PTPRH: variants seen among roughly 807,000 people sequenced by gnomAD.
PTPRH encodes the protein protein tyrosine phosphatase receptor type H, also known as receptor-type tyrosine-protein phosphatase H.
PTPRH carries 113 observed loss-of-function variants against 130.2 expected under a neutral mutation model. The ratio of observed to expected loss-of-function variants is 0.87; its 90% confidence interval spans 0.75 to 1.01. The LOEUF is 1.01. PTPRH is among the 50% of genes least tolerant of loss of function. PTPRH has a pLI of 0.00. For missense variants in PTPRH, 1,430 were observed against 1,425.0 expected (o/e 1.00, Z -0.06); for synonymous variants, 556 against 577.9 (o/e 0.96, Z 0.54).
At chr19:55,197,087 A>G in intron 9 of PTPRH, 30 bp downstream of exon 9, 2 of 1,609,222 alleles carry the variant, frequency 1.2e-6, no homozygotes, top group Non-Finnish European at 1.7e-6. Flanking sequence ...AGCCCAGTTC[A>G]CCACTTGAAG....
Position 55,206,472 on chromosome 19 carries a change from C to G in PTPRH, c.352+217G>C, listed in dbSNP as rs566724527. Among the ~76,000 whole-genome samples the G allele has an allele frequency of 5.7e-3, 841 of 148,604 alleles. 15 individuals carry two copies. Among genetic ancestry groups the G allele is most frequent in the African/African-American group, 0.02 (795 of 39,464 alleles). ...CCGAGTAGATGGGACCACGGGAACACGCCACCACAGCTACTTTTTAATTTT... is the reference window on the plus strand; with the variant it reads ...CCGAGTAGATGGGACCACGGGAACAGGCCACCACAGCTACTTTTTAATTTT... On this transcript the variant is annotated intron_variant, in intron 3 of 19. Coordinates refer to ENST00000376350, the MANE Select transcript of PTPRH (RefSeq NM_002842.5).
intron 6 of PTPRH, 111 bp downstream of exon 6, chr19:55,201,945 A>G (rs745746872): frequency 4.0e-6 from 6 of 1,501,796 alleles, no homozygotes; most frequent in Non-Finnish European, 5.4e-6. Context: ...GGACATGAGT[A>G]CCTGGCTCAA....
intron 13 of PTPRH, 41 bp from the exon 14 acceptor site, chr19:55,187,644 C>G (rs201404159): frequency 2.0e-6 from 3 of 1,483,314 alleles, no homozygotes; most frequent in Admixed American, 1.7e-5. Flanking sequence ...GTTGGATTTT[C>G]TCTACTTTCC....
Position 55,181,656 on chromosome 19 carries a change from G to T in PTPRH, c.*98C>A. 6.6e-7 allele frequency: 1 copy of T among 1,510,406 alleles called. No homozygotes were observed. Among genetic ancestry groups the T allele is most frequent in the Non-Finnish European group, 9.1e-7 (1 of 1,104,654 alleles). The allele number at this position is 1,510,406 out of a possible 1,614,324, so 93.6% of individuals were successfully genotyped here. On this transcript the variant is annotated 3_prime_UTR_variant, in exon 20 of 20. Transcript: ENST00000376350. ...CCCCCTCCTCCCACAGCACCCAGGA[G>T]TCTGGGAGCCCAGCCCTCTGCTCTT...
intron 5 of PTPRH, among the ~76,000 whole-genome samples, chr19:55,203,143 A>G (rs2086921573): frequency 6.6e-6 from 1 of 151,316 alleles, no homozygotes; most frequent in Non-Finnish European, 1.5e-5. Flanking sequence ...CCTGGCTAAC[A>G]CGGTGAAACC....
At position 55,204,033 on chromosome 19, in the gene PTPRH, C is replaced by T. The variant is rs1229276141; in HGVS notation, c.635G>A (p.Arg212Lys). 1 of 1,613,692 alleles carries T rather than the reference C, an allele frequency of 6.2e-7. No individual in the cohort carries two copies. Among genetic ancestry groups the T allele is most frequent in the Non-Finnish European group, 8.5e-7 (1 of 1,179,686 alleles). ...RNATTAHNPVRNLRVEAQTTS... is the reference protein window; with the variant it reads ...RNATTAHNPVKNLRVEAQTTS... Reference sequence around the variant, plus strand: ...GGTCTGAGCCTCCACTCTCAGGTTCCTCACTGGGTTGTGAGCTGAGAAATT... The same window carrying T: ...GGTCTGAGCCTCCACTCTCAGGTTCTTCACTGGGTTGTGAGCTGAGAAATT... Residue 212 changes from arginine to lysine, a missense_variant, in exon 5 of 20, where the codon AGG becomes AAG. By Grantham distance (26) the Arg-to-Lys change is conservative (BLOSUM62 2). Coordinates refer to ENST00000376350, the MANE Select transcript of PTPRH (RefSeq NM_002842.5).
rs962464156 is a variant in PTPRH, at chr19:55,201,215, TA to T, written c.1154-714del. Among the ~76,000 whole-genome samples, 6 of 151,652 alleles carry T rather than the reference TA, an allele frequency of 4.0e-5. 1 individual carries two copies. In the South Asian group the frequency reaches 1.0e-3, roughly 26 times the overall value. ...GGACCACACAGCAAGACCTCATCTC[TA>T]AAAAAAATAAATTAGTCAGGCATGG... On this transcript the variant is annotated intron_variant, in intron 6 of 19. Coordinates refer to ENST00000376350, the MANE Select transcript of PTPRH (RefSeq NM_002842.5).
intron 6 of PTPRH, among the ~76,000 whole-genome samples, chr19:55,200,767 A>AC (rs1278425895): frequency 6.6e-6 from 1 of 151,240 alleles, no homozygotes; most frequent in African/African-American, 2.4e-5. Context: ...ACACGGTGAA[A>AC]CCTGTCTCTA....
chr19:55,191,781 C>G, intron 10 of PTPRH, 40 bp from the exon 11 acceptor site: 1 of 1,539,858 alleles, frequency 6.5e-7, no homozygotes, highest in Non-Finnish European at 9.0e-7. Context: ...GAGCGCAGGT[C>G]TGAGCTGCTC....
chr19:55,209,481 C>T lies in PTPRH; in HGVS notation c.-48G>A, dbSNP rs7257244. ...CCAGGAGTCCCAGGCCTAGTCCTTC[C>T]ACCTGCTGGACTTTACACTCAAGAA... On this transcript the variant is annotated 5_prime_UTR_variant, in exon 1 of 20. Transcript: ENST00000376350. This position sits in a 1 kb window ranked among gnomAD's most constrained non-coding sequence, Gnocchi z 4.1. The T allele has an allele frequency of 3.0e-4, 399 of 1,316,654 alleles. 1 individual carries two copies. The African/African-American group carries it at 4.9e-3, about 16-fold the overall frequency. The allele number at this position is 1,316,654 out of a possible 1,614,324, so 81.6% of individuals were successfully genotyped here.
intron 10 of PTPRH, among the ~76,000 whole-genome samples, chr19:55,195,060 C>T (rs184789612): frequency 3.9e-5 from 6 of 152,292 alleles, no homozygotes; most frequent in African/African-American, 7.2e-5. Context: ...CATGGTGGCT[C>T]ATGCCTGTAA....
At chr19:55,192,099 A>T (rs1469115020) in intron 10 of PTPRH, 1 of 406,786 alleles carries the variant, frequency 2.5e-6, no homozygotes, top group African/African-American at 2.1e-5. Flanking sequence ...CTACTTGATT[A>T]TAAGAATACA....
chr19:55,206,622 G>C, intron 3 of PTPRH, 67 bp downstream of exon 3: 1 of 1,427,448 alleles, frequency 7.0e-7, no homozygotes, highest in Non-Finnish European at 9.3e-7. Flanking sequence ...CATTTTGTCA[G>C]CTCTCAACCA....
rs891740325 is a variant in PTPRH at position 55,181,868 on chromosome 19, C to A, written c.3234G>T (p.Arg1078=). Residue 1078 remains arginine, a synonymous_variant, in exon 20 of 20, where the codon CGG becomes CGT. Coordinates refer to ENST00000376350, the MANE Select transcript of PTPRH (RefSeq NM_002842.5). The stretch of plus-strand genomic sequence containing the variant: ...GGGCCTGGGCTGACTGTTGGAGGAA[C>A]CGCAGGATGCACTGATGCAGGAATA... ...QYVFLHQCIL[R]FLQQSAQAPA... 11 of 1,614,082 alleles carry A rather than the reference C, an allele frequency of 6.8e-6. No homozygotes were observed. Among genetic ancestry groups the A allele is most frequent in the Non-Finnish European group, 9.3e-6 (11 of 1,180,044 alleles).
In PTPRH at chr19:55,189,927, G is replaced by A. The variant is rs1403821922; in HGVS notation, c.2384+1574C>T. On this transcript the variant is annotated intron_variant, in intron 12 of 19. Coordinates refer to ENST00000376350, the MANE Select transcript of PTPRH (RefSeq NM_002842.5). ...GAGGGTCACTTGAGCCCAGGAGGTC[G>A]AGGCTGCAGTGAGCTATGATTGCGC... 1.1e-5 allele frequency: 4 copies of A among 349,944 alleles called. 1 individual carries two copies. The highest frequency in any genetic ancestry group is 6.3e-5 in the South Asian group (3 of 47,874). The allele number at this position is 349,944 out of a possible 1,614,324, so 21.7% of individuals were successfully genotyped here.
At chr19:55,196,332 G>A (rs2086678539) in intron 10 of PTPRH, among the ~76,000 whole-genome samples, 190 bp downstream of exon 10, 1 of 152,298 alleles carries the variant, frequency 6.6e-6, no homozygotes, top group Admixed American at 6.5e-5. Context: ...AGGTTGCAAT[G>A]AGCCAAGATC....
chr19:55,185,278 G>A (rs980630055), intron 18 of PTPRH, among the ~76,000 whole-genome samples: 15 of 152,148 alleles, frequency 9.9e-5, no homozygotes, highest in Non-Finnish European at 5.9e-5. Flanking sequence ...ACAGGCATGA[G>A]CCACCGCTCC....
Position 55,206,776 on chromosome 19 carries a change from G to C in PTPRH, c.265C>G (p.Leu89Val). The change falls in exon 3 of 20, where the codon CTT (leucine) becomes GTT (valine). Residue 89 changes from leucine to valine, a missense_variant. Physicochemically the swap from Leu to Val is conservative, Grantham distance 32. Transcript: ENST00000376350. Reference sequence around the variant, plus strand: ...CACGTATACAATGACCCGGGTCCAAGGCCATCCACGGTGACGTTGGTGGCT... The same window carrying C: ...CACGTATACAATGACCCGGGTCCAACGCCATCCACGGTGACGTTGGTGGCT... ...TTATNVTVDG[L>V]GPGSLYTCSV... The C allele has an allele frequency of 6.2e-7, 1 of 1,614,140 alleles. No homozygotes were observed. Among genetic ancestry groups the C allele is most frequent in the East Asian group, 2.2e-5 (1 of 44,888 alleles).
chr19:55,197,222 A>G lies in PTPRH; in HGVS notation c.1885T>C (p.Trp629Arg), dbSNP rs777920990. ...VNQTSRTNET[W>R]YKVEALEPGT... Reference sequence around the variant, plus strand: ...GGTTCCAGGGCCTCCACTTTGTACCACGTCTCATTGGTCCTGCTGGTCTGG... The same window carrying G: ...GGTTCCAGGGCCTCCACTTTGTACCGCGTCTCATTGGTCCTGCTGGTCTGG... The change falls in exon 9 of 20, where the codon TGG becomes CGG. Residue 629 changes from tryptophan (W) to arginine (R), a missense_variant. Transcript: ENST00000376350. 7 of 1,614,218 alleles carry G rather than the reference A, an allele frequency of 4.3e-6. No homozygotes were observed. Among genetic ancestry groups the G allele is most frequent in the Non-Finnish European group, 5.1e-6 (6 of 1,180,040 alleles).
Sources: gnomAD v4.1 joint callset for allele counts (sites outside exome capture counted in the v4.1 genomes callset) on GRCh38, gnomAD v4.1.1 for gene constraint, Gnocchi (gnomAD v3.1) non-coding constraint, MANE v1.5 for transcripts, NCBI Gene and HGNC (gene_info 2026-07-23, HGNC 2026-07-21) for gene names.